The following IGSF11 variants were observed in gnomAD, a reference collection of about 807,000 sequenced individuals.
IGSF11 encodes CXADR like 1.
Under a neutral mutation model 41.0 loss-of-function variants are expected in IGSF11, and 22 were observed. The ratio of observed to expected loss-of-function variants is 0.54; its 90% confidence interval spans 0.38 to 0.77. IGSF11 has a LOEUF of 0.77. Ranked by LOEUF, IGSF11 falls within the 30% of genes least tolerant of loss-of-function variation. IGSF11 has a pLI of 0.00. For missense variants in IGSF11, 444 were observed against 530.8 expected, an observed-to-expected ratio of 0.84 and a Z score of 1.61; for synonymous variants, 219 against 201.3, an observed-to-expected ratio of 1.09 and a Z score of -0.74.
upstream of IGSF11, among the ~76,000 whole-genome samples, chr3:119,107,520 T>A (rs2077054622): frequency 1.3e-5 from 2 of 152,264 alleles, no homozygotes; most frequent in South Asian, 4.1e-4. Context: ...GCGAAAATTT[T>A]CTCCCATTCT....
intron 1 of IGSF11, among the ~76,000 whole-genome samples, chr3:118,946,850 G>A (rs1576449288): frequency 2.0e-5 from 3 of 152,276 alleles, no homozygotes; most frequent in South Asian, 4.1e-4. Context: ...AGTGGCTCAC[G>A]CCTGTAATCC....
chr3:118,904,857 C>T (rs1267785550), intron 5 of IGSF11, 59 bp from the exon 6 acceptor site: 4 of 1,383,856 alleles, frequency 2.9e-6, no homozygotes, highest in African/African-American at 2.9e-5. Context: ...TAGCATATAC[C>T]CATGCAACTG....
chr3:118,991,906 C>G (rs912160832), intron 1 of IGSF11, among the ~76,000 whole-genome samples: 9 of 152,184 alleles, frequency 5.9e-5, no homozygotes, highest in Non-Finnish European at 1.3e-4. Context: ...CAAGGAGAAG[C>G]TCTCCATTCA....
Position 119,034,834 on chromosome 3 carries a change from C to G in IGSF11, c.-252G>C. The G allele has an allele frequency of 8.0e-7, 1 of 1,246,132 alleles. No homozygotes were observed. The highest frequency in any genetic ancestry group is 1.0e-6 in the Non-Finnish European group (1 of 994,504). The allele number at this position is 1,246,132 out of a possible 1,614,324, so 77.2% of individuals were successfully genotyped here. On this transcript the variant is annotated 5_prime_UTR_variant, in exon 1 of 7. Coordinates refer to ENST00000393775, the MANE Select transcript of IGSF11 (RefSeq NM_001015887.3). ...GGCTCGCCAGCCGTGCCACCCAGCC[C>G]TGCCCCAGGACTAGCCGACCCCTCG...
chr3:118,927,554 C>T (rs1942438153), intron 3 of IGSF11, among the ~76,000 whole-genome samples: 1 of 152,114 alleles, frequency 6.6e-6, no homozygotes, highest in African/African-American at 2.4e-5. Context: ...GAGAAAAAGG[C>T]ACCAAAGGCC....
At chr3:119,083,339 G>C (rs1387164703) in intron 1 of IGSF11, among the ~76,000 whole-genome samples, 1 of 151,892 alleles carries the variant, frequency 6.6e-6, no homozygotes, top group Non-Finnish European at 1.5e-5. Flanking sequence ...CAGGGCTCAA[G>C]TAATCCTCCC....
chr3:118,928,093 G>A (rs1442545731), intron 3 of IGSF11, among the ~76,000 whole-genome samples: 1 of 152,144 alleles, frequency 6.6e-6, no homozygotes, highest in Non-Finnish European at 1.5e-5. Context: ...GAACTGTGGT[G>A]ATCCTACTCG....
Position 118,991,196 on chromosome 3 carries a change from G to C in IGSF11, c.52+43335C>G, listed in dbSNP as rs560996639. 1.1e-4 allele frequency among the ~76,000 whole-genome samples: 16 copies of C among 152,266 alleles called. No individual in the cohort carries two copies. In the South Asian group the frequency reaches 3.3e-3, roughly 32 times the overall value. On this transcript the variant is annotated intron_variant, in intron 1 of 6. Coordinates refer to ENST00000393775, the MANE Select transcript of IGSF11 (RefSeq NM_001015887.3). ...TTTAAAATGCAACAGAAAATTAGAC[G>C]GAGTCAGAAACAATTCAATTATTGT...
Position 119,058,863 on chromosome 3 carries a change from C to A in IGSF11, c.49+46281G>T, listed in dbSNP as rs905796935. Among the ~76,000 whole-genome samples the A allele has an allele frequency of 1.6e-4, 25 of 152,040 alleles. 1 individual carries two copies. The highest frequency in any genetic ancestry group is 1.2e-3 in the Admixed American group (19 of 15,260). The stretch of plus-strand genomic sequence containing the variant: ...GCTGGAAACCATCATTCTCAGCAAA[C>A]TACCACAAGGACAAAAAACCAAACA... On this transcript the variant is annotated intron_variant, in intron 1 of 6. Transcript: ENST00000354673.
chr3:118,962,164 C>CA (rs1210385046), intron 1 of IGSF11, among the ~76,000 whole-genome samples: 1 of 152,152 alleles, frequency 6.6e-6, no homozygotes, highest in Non-Finnish European at 1.5e-5. Context: ...GAAAGAAACA[C>CA]AATTTGAGAT....
At chr3:118,985,527 C>T (rs1414342916) in intron 1 of IGSF11, among the ~76,000 whole-genome samples, 1 of 152,154 alleles carries the variant, frequency 6.6e-6, no homozygotes, top group Non-Finnish European at 1.5e-5. Flanking sequence ...GGTCTTCCCT[C>T]CCCTTGGATA....
chr3:119,089,574 G>A (rs902473870), intron 1 of IGSF11, among the ~76,000 whole-genome samples: 6 of 152,168 alleles, frequency 3.9e-5, no homozygotes, highest in African/African-American at 1.4e-4. Flanking sequence ...GGAAGTCCTA[G>A]CCAGAGCAAT....
At chr3:118,941,923 C>G (rs1472181866) in intron 1 of IGSF11, among the ~76,000 whole-genome samples, 1 of 151,952 alleles carries the variant, frequency 6.6e-6, no homozygotes, top group East Asian at 1.9e-4. Context: ...GAAAGCAAAA[C>G]TATACAGGCA....
chr3:119,087,674 A>G (rs542715829), intron 1 of IGSF11, among the ~76,000 whole-genome samples: 30 of 152,314 alleles, frequency 2.0e-4, no homozygotes, highest in African/African-American at 6.5e-4. Flanking sequence ...GGTACAGTGT[A>G]CACTGCTTGG....
At chr3:119,130,827 C>T (rs1312817680) in intron 1 of IGSF11, among the ~76,000 whole-genome samples, 1 of 152,152 alleles carries the variant, frequency 6.6e-6, no homozygotes, top group Non-Finnish European at 1.5e-5. Flanking sequence ...TGGGACGAAG[C>T]TTCCAGAGGA....
intron 1 of IGSF11, among the ~76,000 whole-genome samples, chr3:118,955,219 TACACACACACACACAC>T (rs34044399): frequency 6.9e-6 from 1 of 144,400 alleles, no homozygotes; most frequent in Non-Finnish European, 1.5e-5. Context: ...TATATGTACA[TACACACACACACACAC>T]ACACACACAC....
intron 1 of IGSF11, among the ~76,000 whole-genome samples, chr3:119,142,144 G>C (rs765894449): frequency 6.6e-6 from 1 of 151,728 alleles, no homozygotes; most frequent in Non-Finnish European, 1.5e-5. Flanking sequence ...GCATGGTGGC[G>C]GGCACCTGTA....
At chr3:119,036,739 T>G (rs1421756633), upstream of IGSF11, among the ~76,000 whole-genome samples, 2 of 152,036 alleles carry the variant, frequency 1.3e-5, no homozygotes, top group Non-Finnish European at 2.9e-5. Flanking sequence ...AAGTTCCAAT[T>G]GCATATGGGC....
chr3:118,907,659 T>G (rs948035143), intron 4 of IGSF11, among the ~76,000 whole-genome samples: 6 of 152,232 alleles, frequency 3.9e-5, no homozygotes, highest in African/African-American at 1.4e-4. Flanking sequence ...GCATTAAATA[T>G]GCCTCATTTA....
Sources: allele counts gnomAD v4.1 joint callset (sites outside exome capture counted in the v4.1 genomes callset), GRCh38; gene constraint gnomAD v4.1.1; transcripts MANE v1.5; gene names NCBI Gene and HGNC (gene_info 2026-07-23, HGNC 2026-07-21).